CBFA2T2: variants seen among roughly 807,000 people sequenced by gnomAD.
The protein encoded by CBFA2T2 is CBFA2/RUNX1 partner transcriptional co-repressor 2, also known as protein CBFA2T2.
CBFA2T2 carries 11 observed loss-of-function variants against 62.2 expected under a neutral mutation model. The observed-to-expected ratio is 0.18, with a 90% CI of 0.11 to 0.29. The LOEUF (loss-of-function observed/expected upper bound fraction) is 0.29, where lower values mean the gene tolerates loss of function less well. Ranked by LOEUF, CBFA2T2 falls within the 10% of genes least tolerant of loss-of-function variation. The probability of loss-of-function intolerance (pLI) is 1.00; values close to 1 mark genes in which losing one functional copy is unlikely to be tolerated. For missense variants in CBFA2T2, 592 were observed against 774.1 expected (o/e 0.76, Z 2.79); for synonymous variants, 295 against 287.5 (o/e 1.03, Z -0.27).
chr20:33,556,486 T>A (rs2012900163), intron 1 of CBFA2T2, among the ~76,000 whole-genome samples: 1 of 152,230 alleles, frequency 6.6e-6, no homozygotes, highest in South Asian at 2.1e-4. Context: ...ATCCTCTTTG[T>A]GATTAATAAG....
chr20:33,543,349 T>C (rs888638664), intron 1 of CBFA2T2, among the ~76,000 whole-genome samples: 15 of 152,270 alleles, frequency 9.9e-5, no homozygotes, highest in Middle Eastern at 3.4e-3. Flanking sequence ...TTGTATTAGA[T>C]ATTATAGGGA....
At position 33,644,655 on chromosome 20, in the gene CBFA2T2, C is replaced by A; in HGVS notation, c.*9C>A. ...ACACCAACGGACTCTGAGCCCCGGACTCTGCTTACCCTGATGGCTGCTCAG... is the reference window on the plus strand; with the variant it reads ...ACACCAACGGACTCTGAGCCCCGGAATCTGCTTACCCTGATGGCTGCTCAG... On this transcript the variant is annotated 3_prime_UTR_variant, in exon 11 of 11. Coordinates refer to ENST00000342704, the MANE Select transcript of CBFA2T2 (RefSeq NM_001032999.3). 6.3e-7 allele frequency: 1 copy of A among 1,590,242 alleles called. No homozygotes were observed. Among genetic ancestry groups the A allele is most frequent in the Non-Finnish European group, 8.6e-7 (1 of 1,164,202 alleles).
chr20:33,509,345 C>T (rs960352865), intron 1 of CBFA2T2, among the ~76,000 whole-genome samples: 5 of 151,576 alleles, frequency 3.3e-5, no homozygotes, highest in Non-Finnish European at 7.4e-5. Flanking sequence ...CCAGCCTAGG[C>T]GACACAGCGA....
At chr20:33,629,995 C>G in intron 8 of CBFA2T2, 81 bp downstream of exon 8, 7 of 1,271,022 alleles carry the variant, frequency 5.5e-6, no homozygotes, top group Non-Finnish European at 7.4e-6. Context: ...GCGTTTTCTA[C>G]TTGACTTTAA....
At chr20:33,591,467 CAAAAAA>C (rs11475752) in intron 1 of CBFA2T2, among the ~76,000 whole-genome samples, 1 of 98,080 alleles carries the variant, frequency 1.0e-5, no homozygotes, top group Non-Finnish European at 2.2e-5. Flanking sequence ...GAGTAAATCT[CAAAAAA>C]AAAAAAAAAA....
At chr20:33,618,939 G>C (rs766854032) in intron 3 of CBFA2T2, among the ~76,000 whole-genome samples, 1 of 152,170 alleles carries the variant, frequency 6.6e-6, no homozygotes, top group Non-Finnish European at 1.5e-5. Flanking sequence ...TGCAGCCTAG[G>C]CTGCTGGGCA....
intron 1 of CBFA2T2, among the ~76,000 whole-genome samples, chr20:33,491,765 G>A (rs1292308266): frequency 6.6e-6 from 1 of 151,768 alleles, no homozygotes; most frequent in African/African-American, 2.4e-5. Context: ...GCAGGGGTGT[G>A]ATCTTGGCTC....
chr20:33,622,191 G>C (rs937625133), intron 4 of CBFA2T2, among the ~76,000 whole-genome samples: 6 of 152,152 alleles, frequency 3.9e-5, no homozygotes, highest in African/African-American at 1.4e-4. Context: ...AACAGCATGA[G>C]GTAGGTTGTT....
At chr20:33,490,792 C>T (rs1488800905) in intron 1 of CBFA2T2, among the ~76,000 whole-genome samples, 1 of 152,230 alleles carries the variant, frequency 6.6e-6, no homozygotes, top group African/African-American at 2.4e-5. Context: ...CTCCCGGTGC[C>T]TCAGTTCCCC....
rs2017028060 is a variant in CBFA2T2, at chr20:33,645,765, T to G, written c.*1119T>G. On this transcript the variant is annotated 3_prime_UTR_variant, in exon 11 of 11. Coordinates refer to ENST00000342704, the MANE Select transcript of CBFA2T2 (RefSeq NM_001032999.3). ...GACCTCATAGTTACAGGTCATTATATCTACTATGTTGATTTATCATCAGGC... is the reference window on the plus strand; with the variant it reads ...GACCTCATAGTTACAGGTCATTATAGCTACTATGTTGATTTATCATCAGGC... The G allele has an allele frequency of 6.6e-6, 1 of 152,230 alleles. No homozygotes were observed. Among genetic ancestry groups the G allele is most frequent in the Non-Finnish European group, 1.5e-5 (1 of 68,058 alleles). The allele number at this position is 152,230 out of a possible 1,614,324, so 9.4% of individuals were successfully genotyped here.
rs1413678086 is a variant in CBFA2T2, at chr20:33,626,837, A to T, written c.947-1513A>T. Among the ~76,000 whole-genome samples the T allele has an allele frequency of 2.0e-5, 3 of 152,230 alleles. No homozygotes were observed. In the East Asian group the frequency reaches 5.8e-4, roughly 29 times the overall value. ...AGCAGCCATGGTGTTCTCAGAGCCAACATTTACTGAGTCGTAGCTACCACT... is the reference window on the plus strand; with the variant it reads ...AGCAGCCATGGTGTTCTCAGAGCCATCATTTACTGAGTCGTAGCTACCACT... On this transcript the variant is annotated intron_variant, in intron 6 of 10. Transcript: ENST00000342704.
At chr20:33,523,728 GC>G (rs1437950839) in intron 1 of CBFA2T2, among the ~76,000 whole-genome samples, 4 of 151,778 alleles carry the variant, frequency 2.6e-5, no homozygotes, top group Non-Finnish European at 1.5e-5. Flanking sequence ...CACCCTTGTC[GC>G]CCAGGCTGGA....
intron 1 of CBFA2T2, among the ~76,000 whole-genome samples, chr20:33,534,074 C>T (rs986842916): frequency 1.3e-5 from 2 of 152,166 alleles, no homozygotes; most frequent in African/African-American, 4.8e-5. Flanking sequence ...AGTGATACTC[C>T]TGCCTTGGCC....
intron 1 of CBFA2T2, among the ~76,000 whole-genome samples, chr20:33,583,231 G>A (rs1327190842): frequency 6.6e-6 from 1 of 152,062 alleles, no homozygotes; most frequent in Non-Finnish European, 1.5e-5. Flanking sequence ...ACTATCCTTT[G>A]TACAAGAACA....
chr20:33,622,917 G>C (rs1461080986), intron 4 of CBFA2T2, among the ~76,000 whole-genome samples, 198 bp from the exon 5 acceptor site: 1 of 151,856 alleles, frequency 6.6e-6, no homozygotes. Flanking sequence ...ACATCTGGTT[G>C]GGGCAAGAGA....
chr20:33,612,487 T>C (rs1286399658), intron 3 of CBFA2T2, among the ~76,000 whole-genome samples: 1 of 152,150 alleles, frequency 6.6e-6, no homozygotes, highest in Non-Finnish European at 1.5e-5. Context: ...TTTCATAATA[T>C]AACAGTAGAC....
chr20:33,607,660 A>T (rs1051893079), intron 2 of CBFA2T2, among the ~76,000 whole-genome samples: 1 of 152,142 alleles, frequency 6.6e-6, no homozygotes, highest in Non-Finnish European at 1.5e-5. Context: ...CCATATCCTC[A>T]CATGGTCTTT....
At chr20:33,572,831 C>T (rs2013629407) in intron 1 of CBFA2T2, among the ~76,000 whole-genome samples, 1 of 152,124 alleles carries the variant, frequency 6.6e-6, no homozygotes, top group Non-Finnish European at 1.5e-5. Flanking sequence ...GTAATGTGAT[C>T]TGATTTATAT....
intron 1 of CBFA2T2, among the ~76,000 whole-genome samples, chr20:33,573,022 T>C (rs982034634): frequency 6.6e-6 from 1 of 152,188 alleles, no homozygotes; most frequent in African/African-American, 2.4e-5. Context: ...TGTTGATAGA[T>C]TGAATGTTGA....
Sources: allele counts gnomAD v4.1 joint callset (sites outside exome capture counted in the v4.1 genomes callset), GRCh38; gene constraint gnomAD v4.1.1; transcripts MANE v1.5; gene names NCBI Gene and HGNC (gene_info 2026-07-23, HGNC 2026-07-21).